DLGAP1: variants seen among roughly 807,000 people sequenced by gnomAD.
DLGAP1 encodes the protein DLG associated protein 1.
Under a neutral mutation model 90.8 loss-of-function variants are expected in DLGAP1, and 11 were observed. The ratio of observed to expected loss-of-function variants is 0.12; its 90% CI spans 0.08 to 0.20. The LOEUF is 0.20. Among genes scored for constraint, DLGAP1 ranks in the 10% least tolerant of loss-of-function variants. The probability of loss-of-function intolerance (pLI) is 1.00; values close to 1 mark genes in which losing one functional copy is unlikely to be tolerated. For synonymous variants in DLGAP1, 558 were observed against 540.7 expected (o/e 1.03, Z -0.44); for missense variants, 1,050 against 1,333.8 (o/e 0.79, Z 3.31).
At chr18:4,253,669 C>A (rs2078828513) in intron 1 of DLGAP1, among the ~76,000 whole-genome samples, 1 of 152,170 alleles carries the variant, frequency 6.6e-6, no homozygotes, top group Admixed American at 6.5e-5. Context: ...CTCATCCTCC[C>A]AAAGTGCTGG....
intron 1 of DLGAP1, among the ~76,000 whole-genome samples, chr18:4,257,203 G>A (rs1905020910): frequency 6.6e-6 from 1 of 152,192 alleles, no homozygotes; most frequent in Non-Finnish European, 1.5e-5. Context: ...AAGCTATTGT[G>A]ATCTATAATA....
chr18:4,404,820 T>C (rs1233253125), intron 1 of DLGAP1, among the ~76,000 whole-genome samples: 1 of 152,206 alleles, frequency 6.6e-6, no homozygotes, highest in Non-Finnish European at 1.5e-5. Context: ...TCCCACATGC[T>C]AGACATGGGC....
chr18:4,059,419 G>A (rs2075268359), intron 2 of DLGAP1, among the ~76,000 whole-genome samples: 1 of 152,164 alleles, frequency 6.6e-6, no homozygotes, highest in African/African-American at 2.4e-5. Flanking sequence ...TTGTAACACT[G>A]TTTGGCCTAA....
intron 2 of DLGAP1, among the ~76,000 whole-genome samples, chr18:4,040,808 T>C (rs1041513635): frequency 6.6e-6 from 1 of 152,198 alleles, no homozygotes; most frequent in Non-Finnish European, 1.5e-5. Flanking sequence ...CAGCATTGTG[T>C]TCTTTTTAGG....
At chr18:3,814,361 ATTTTTTT>A in intron 4 of DLGAP1, 88 bp from the exon 5 acceptor site, 7 of 880,364 alleles carry the variant, frequency 8.0e-6, no homozygotes, top group South Asian at 7.9e-5. Context: ...TAACATTTCT[ATTTTTTT>A]TTTTTTTTTT....
intron 2 of DLGAP1, among the ~76,000 whole-genome samples, chr18:4,005,980 C>T (rs1298640833): frequency 6.6e-6 from 1 of 152,162 alleles, no homozygotes; most frequent in East Asian, 1.9e-4. Context: ...GTTGTTCACT[C>T]CTCTGTGTGT....
intron 9 of DLGAP1, among the ~76,000 whole-genome samples, chr18:3,537,347 T>C (rs1025220192): frequency 1.3e-5 from 2 of 152,224 alleles, no homozygotes; most frequent in South Asian, 4.1e-4. Context: ...ATTGGTGGAA[T>C]CATGTAGTAT....
chr18:4,363,215 G>A (rs78389634), intron 1 of DLGAP1, among the ~76,000 whole-genome samples: 161 of 152,244 alleles, frequency 1.1e-3, no homozygotes, highest in African/African-American at 3.8e-3. Flanking sequence ...AAGGCTGCAT[G>A]CACACAGGGA....
intron 2 of DLGAP1, among the ~76,000 whole-genome samples, chr18:4,078,449 T>C (rs2075556380): frequency 6.6e-6 from 1 of 152,184 alleles, no homozygotes; most frequent in African/African-American, 2.4e-5. Flanking sequence ...GACCTAGGAA[T>C]GGACGTTTTT....
intron 7 of DLGAP1, among the ~76,000 whole-genome samples, chr18:3,702,640 G>C (rs908315208): frequency 6.6e-6 from 1 of 152,170 alleles, no homozygotes; most frequent in Non-Finnish European, 1.5e-5. Context: ...GAAGTAATCA[G>C]ATACAACAAG....
rs548795992 is a variant in DLGAP1 at position 4,282,208 on chromosome 18, C to CA, written c.-266-130922dup. 1.6e-3 allele frequency among the ~76,000 whole-genome samples: 237 copies of CA among 151,804 alleles called. 3 individuals are homozygous for CA. The highest frequency in any genetic ancestry group is 5.5e-3 in the African/African-American group (226 of 41,418). ...TGAAACTCCGTCTCTACTAAAAATA[C>CA]AAAAAATTAGCCAGGCATGGTGGTG... is the stretch of plus-strand genomic sequence containing the variant. On this transcript the variant is annotated intron_variant, in intron 1 of 12. Coordinates refer to ENST00000315677, the MANE Select transcript of DLGAP1 (RefSeq NM_004746.4).
At chr18:4,108,888 G>T (rs7238545) in intron 2 of DLGAP1, among the ~76,000 whole-genome samples, 58,275 of 151,784 alleles carry the variant, frequency 0.38, 12,348 homozygotes, top group African/African-American at 0.57. Flanking sequence ...TCCAAATAAT[G>T]GAAGGGCTGT....
chr18:3,871,678 A>T (rs1445217145), intron 4 of DLGAP1, among the ~76,000 whole-genome samples: 1 of 152,230 alleles, frequency 6.6e-6, no homozygotes, highest in African/African-American at 2.4e-5. Context: ...AAAGCACAGT[A>T]ATGAATTTTC....
At chr18:4,360,425 G>C (rs2081607034) in intron 1 of DLGAP1, among the ~76,000 whole-genome samples, 1 of 152,194 alleles carries the variant, frequency 6.6e-6, no homozygotes, top group South Asian at 2.1e-4. Context: ...AATGGAGATA[G>C]AAGAGAAATG....
intron 1 of DLGAP1, among the ~76,000 whole-genome samples, chr18:4,208,563 A>C (rs189369842): frequency 6.6e-6 from 1 of 152,330 alleles, no homozygotes; most frequent in East Asian, 1.9e-4. Context: ...GAATGGAACA[A>C]TGAGAGTGGG....
intron 9 of DLGAP1, among the ~76,000 whole-genome samples, chr18:3,549,337 CTT>C (rs398031867): frequency 2.8e-5 from 4 of 144,580 alleles, no homozygotes; most frequent in African/African-American, 2.6e-5. Context: ...CTCTCTCTCT[CTT>C]TTTTTTTTTT....
chr18:4,096,421 A>C (rs1299776344), intron 2 of DLGAP1, among the ~76,000 whole-genome samples: 1 of 152,134 alleles, frequency 6.6e-6, no homozygotes, highest in African/African-American at 2.4e-5. Context: ...GAAAATGTAA[A>C]CCCACCATAT....
At chr18:4,212,039 A>G (rs1406353466) in intron 1 of DLGAP1, among the ~76,000 whole-genome samples, 1 of 152,206 alleles carries the variant, frequency 6.6e-6, no homozygotes, top group African/African-American at 2.4e-5. Context: ...ACCACACTTC[A>G]TACATACAGT....
At chr18:3,559,899 G>A (rs1397748685) in intron 9 of DLGAP1, among the ~76,000 whole-genome samples, 1 of 151,730 alleles carries the variant, frequency 6.6e-6, no homozygotes, top group African/African-American at 2.4e-5. Context: ...GGGATTACAG[G>A]CATGAGCCAC....
Sources: gnomAD v4.1 joint callset for allele counts (sites outside exome capture counted in the v4.1 genomes callset) on GRCh38, gnomAD v4.1.1 for gene constraint, MANE v1.5 for transcripts, NCBI Gene and HGNC (gene_info 2026-07-23, HGNC 2026-07-21) for gene names.